The following VIRMA variants were observed in gnomAD, a reference collection of about 807,000 sequenced individuals.
The protein encoded by VIRMA is vir like m6A methyltransferase associated, also known as protein virilizer homolog.
Under a neutral mutation model 182.4 loss-of-function variants are expected in VIRMA, and 65 were observed. The ratio of observed to expected loss-of-function variants is 0.36; its 90% CI spans 0.29 to 0.44. The LOEUF is 0.44. Among genes scored for constraint, VIRMA ranks in the 20% least tolerant of loss-of-function variants. VIRMA has a pLI of 1.00. For missense variants in VIRMA, 1,752 were observed against 2,158.1 expected (o/e 0.81, Z 3.73); for synonymous variants, 709 against 743.1 (o/e 0.95, Z 0.75).
chr8:94,538,962 C>T (rs951794412), intron 2 of VIRMA, among the ~76,000 whole-genome samples: 1 of 151,876 alleles, frequency 6.6e-6, no homozygotes, highest in Non-Finnish European at 1.5e-5. Context: ...GGTGCAGTGG[C>T]GTGACTACAG....
At chr8:94,550,923 T>C (rs1284356692) in intron 1 of VIRMA, among the ~76,000 whole-genome samples, 4 of 151,970 alleles carry the variant, frequency 2.6e-5, no homozygotes. Context: ...TTCACTGTGT[T>C]ACCCAGGCTG....
Position 94,516,851 on chromosome 8 carries a change from A to G in VIRMA, c.2668+937T>C, listed in dbSNP as rs531744640. On this transcript the variant is annotated intron_variant, in intron 10 of 23. Transcript: ENST00000297591. The stretch of plus-strand genomic sequence containing the variant: ...TATCACAAGTAAAATTTAGGATTAA[A>G]AAGAAAAGAAGAGGCCACATGCTAT... Among the ~76,000 whole-genome samples, 14 of 152,312 alleles carry G rather than the reference A, an allele frequency of 9.2e-5. No homozygotes were observed. In the South Asian group the frequency reaches 2.9e-3, roughly 32 times the overall value.
intron 20 of VIRMA, among the ~76,000 whole-genome samples, chr8:94,493,233 T>A (rs1201188117): frequency 6.6e-6 from 1 of 152,120 alleles, no homozygotes; most frequent in Non-Finnish European, 1.5e-5. Context: ...TCCCAAAAGC[T>A]CTATGCATTT....
At chr8:94,516,239 G>T (rs554452448) in intron 10 of VIRMA, among the ~76,000 whole-genome samples, 16 of 152,202 alleles carry the variant, frequency 1.1e-4, no homozygotes, top group Admixed American at 9.8e-4. Context: ...ATTTCTAAAG[G>T]AATGAAACCC....
At chr8:94,521,220 A>T (rs552914955) in intron 8 of VIRMA, among the ~76,000 whole-genome samples, 1 of 152,056 alleles carries the variant, frequency 6.6e-6, no homozygotes, top group South Asian at 2.1e-4. Flanking sequence ...GTTCTCCTTC[A>T]ACAGGCCCCA....
intron 1 of VIRMA, among the ~76,000 whole-genome samples, chr8:94,550,018 G>A (rs1341464985): frequency 6.6e-6 from 1 of 151,804 alleles, no homozygotes; most frequent in Admixed American, 6.6e-5. Context: ...GATCGATTGA[G>A]CCCTGGTGGG....
intron 16 of VIRMA, among the ~76,000 whole-genome samples, chr8:94,504,534 AATAG>A (rs1814090927): frequency 6.6e-6 from 1 of 152,222 alleles, no homozygotes; most frequent in Non-Finnish European, 1.5e-5. Flanking sequence ...ATTGAGGTAC[AATAG>A]GAAACCATTA....
At chr8:94,549,417 T>G (rs924610490) in intron 1 of VIRMA, among the ~76,000 whole-genome samples, 1 of 152,226 alleles carries the variant, frequency 6.6e-6, no homozygotes, top group African/African-American at 2.4e-5. Flanking sequence ...TTTTCATAAA[T>G]AATTGTTAAA....
chr8:94,521,149 C>G (rs1814752228), intron 8 of VIRMA, among the ~76,000 whole-genome samples: 1 of 151,966 alleles, frequency 6.6e-6, no homozygotes, highest in African/African-American at 2.4e-5. Context: ...ATCAACCCAT[C>G]ACCTAGGTAT....
Position 94,489,227 on chromosome 8 carries a change from T to C in VIRMA, c.5285-367A>G, listed in dbSNP as rs142881958. On this transcript the variant is annotated intron_variant, in intron 23 of 23. Transcript: ENST00000297591. ...TATATGCTGTATAAAGGTATCTCTG[T>C]TATTAAAATACTTTGTGGTCAGAAA... Among the ~76,000 whole-genome samples the C allele has an allele frequency of 9.5e-4, 144 of 152,346 alleles. 1 individual carries two copies. Among genetic ancestry groups the C allele is most frequent in the African/African-American group, 3.3e-3 (138 of 41,588 alleles).
At position 94,514,920 on chromosome 8, in the gene VIRMA, G is replaced by A; in HGVS notation, c.2700C>T (p.Asn900=). The A allele has an allele frequency of 6.3e-7, 1 of 1,587,054 alleles. No homozygotes were observed. Among genetic ancestry groups the A allele is most frequent in the Non-Finnish European group, 8.6e-7 (1 of 1,162,638 alleles). The part of the protein sequence containing the change: ...ELGKWLEPLK[N]LRFEINCIPN... ...GGATGCAGTTAATTTCAAATCTAAG[G>A]TTTTTCAGAGGTTCAAGCCACTTGC... The change falls in exon 11 of 24, where the codon AAC becomes AAT. Residue 900 remains asparagine, a synonymous_variant. Transcript: ENST00000297591.
chr8:94,519,287 G>C lies in VIRMA; in HGVS notation c.2211C>G (p.His737Gln). ...ATNLLIRALC[H>Q]FYDQDEEEGL... ...CTTCCTCCTCATCTTGATCATAAAAGTGACACAGAGCTCGGATCAATAAAT... is the reference window on the plus strand; with the variant it reads ...CTTCCTCCTCATCTTGATCATAAAACTGACACAGAGCTCGGATCAATAAAT... Residue 737 changes from histidine to glutamine, a missense_variant, in exon 9 of 24, where the codon CAC (histidine) becomes CAG (glutamine). By Grantham distance (24) the His-to-Gln change is conservative (BLOSUM62 0). Around this residue, in one of 11 missense-constraint regions of VIRMA, gnomAD observed 45 missense variants for 91.0 expected, o/e 0.49. Transcript: ENST00000297591. 1 of 1,614,018 alleles carries C rather than the reference G, an allele frequency of 6.2e-7. No individual in the cohort carries two copies. Among genetic ancestry groups the C allele is most frequent in the East Asian group, 2.2e-5 (1 of 44,870 alleles).
intron 5 of VIRMA, among the ~76,000 whole-genome samples, chr8:94,532,103 C>G (rs3133649): frequency 0.61 from 92,775 of 151,912 alleles, 28,644 homozygotes; most frequent in East Asian, 0.81. Context: ...GGTTTTGTTT[C>G]TTTTTATGTT....
Position 94,553,460 on chromosome 8 carries a change from CGGGGAA to C in VIRMA, c.-19_-14del. On this transcript the variant is annotated 5_prime_UTR_variant, in exon 1 of 24. Transcript: ENST00000297591. Reference sequence around the variant, plus strand: ...AGTCCACCGCCATGTTTGCCGCGGGCGGGGAACAGGGGGGAGGACTTCCGGGGCAGC... The same window carrying C: ...AGTCCACCGCCATGTTTGCCGCGGGCCAGGGGGGAGGACTTCCGGGGCAGC... 1 of 1,613,940 alleles carries C rather than the reference CGGGGAA, an allele frequency of 6.2e-7. No homozygotes were observed. The highest frequency in any genetic ancestry group is 8.5e-7 in the Non-Finnish European group (1 of 1,179,898).
At chr8:94,545,901 T>A (rs1306690732) in intron 1 of VIRMA, among the ~76,000 whole-genome samples, 1 of 151,408 alleles carries the variant, frequency 6.6e-6, no homozygotes, top group Non-Finnish European at 1.5e-5. Flanking sequence ...TACAAAAAAT[T>A]AAAAAATCAG....
chr8:94,527,341 A>T lies in VIRMA; in HGVS notation c.903T>A (p.Ile301=), dbSNP rs1260799636. The T allele has an allele frequency of 6.3e-7, 1 of 1,580,462 alleles. No individual in the cohort carries two copies. Among genetic ancestry groups the T allele is most frequent in the East Asian group, 2.3e-5 (1 of 44,290 alleles). The part of the protein sequence containing the change: ...EGEGDDGYEQ[I]SSDEDGIADL... Reference sequence around the variant, plus strand: ...CAGCAATTCCATCTTCATCACTGGAAATTTGTTCATAACCATCATCCCCTG... The same window carrying T: ...CAGCAATTCCATCTTCATCACTGGATATTTGTTCATAACCATCATCCCCTG... The change falls in exon 8 of 24, where the codon ATT becomes ATA. Residue 301 remains isoleucine, a synonymous_variant. Transcript: ENST00000297591.
At chr8:94,496,608 C>T (rs964751657) in intron 17 of VIRMA, 128 bp from the exon 18 acceptor site, 1 of 657,570 alleles carries the variant, frequency 1.5e-6, no homozygotes, top group Non-Finnish European at 2.4e-6. Context: ...TACATCAGTA[C>T]AAATGGCTAG....
intron 1 of VIRMA, among the ~76,000 whole-genome samples, chr8:94,549,980 C>G (rs1321535285): frequency 1.3e-5 from 2 of 151,840 alleles, no homozygotes; most frequent in Non-Finnish European, 2.9e-5. Flanking sequence ...AACTGTAGTC[C>G]CAGCTACTCG....
chr8:94,531,769 C>T (rs369667878), intron 5 of VIRMA, among the ~76,000 whole-genome samples: 2 of 152,060 alleles, frequency 1.3e-5, no homozygotes, highest in South Asian at 4.1e-4. Context: ...TTTGTGATAG[C>T]CAAAAAACAG....
Sources: allele counts gnomAD v4.1 joint callset (sites outside exome capture counted in the v4.1 genomes callset), GRCh38; gene constraint gnomAD v4.1.1; regional missense constraint gnomAD v4.1.1; transcripts MANE v1.5; gene names NCBI Gene and HGNC (gene_info 2026-07-23, HGNC 2026-07-21).